Variants in MSI2 observed in about 807,000 individuals in gnomAD.
MSI2 encodes the protein RNA-binding protein Musashi homolog 2.
Under a neutral mutation model 45.6 loss-of-function variants are expected in MSI2, and 17 were observed. The ratio of observed to expected loss-of-function variants is 0.37; its 90% confidence interval spans 0.26 to 0.56. The LOEUF is 0.56. Among genes scored for constraint, MSI2 ranks in the 20% least tolerant of loss-of-function variants. The pLI is 0.77. For missense variants in MSI2, 293 were observed against 444.2 expected, an observed-to-expected ratio of 0.66 and a Z score of 3.06; for synonymous variants, 156 against 158.2, an observed-to-expected ratio of 0.99 and a Z score of 0.11.
At chr17:57,562,969 A>G (rs1045377095) in intron 7 of MSI2, among the ~76,000 whole-genome samples, 8 of 151,956 alleles carry the variant, frequency 5.3e-5, no homozygotes, top group Non-Finnish European at 1.0e-4. Flanking sequence ...GTGGTGGCGC[A>G]TGCCTGTAAT....
chr17:57,495,852 T>G (rs1233075492), intron 6 of MSI2, among the ~76,000 whole-genome samples: 2 of 152,250 alleles, frequency 1.3e-5, no homozygotes, highest in African/African-American at 4.8e-5. Flanking sequence ...TTTTGATATC[T>G]TCTGTTTTTG....
intron 6 of MSI2, among the ~76,000 whole-genome samples, chr17:57,422,890 T>G (rs1438451417): frequency 6.6e-6 from 1 of 152,212 alleles, no homozygotes; most frequent in Non-Finnish European, 1.5e-5. Context: ...TGGCTGTGGA[T>G]GCATCATTGG....
In MSI2 at chr17:57,372,587, G is replaced by A. The variant is rs577403867; in HGVS notation, c.313-28792G>A. 1.5e-3 allele frequency among the ~76,000 whole-genome samples: 221 copies of A among 152,248 alleles called. 7 individuals are homozygous for A. Among genetic ancestry groups the A allele is most frequent in the South Asian group, 1.7e-3 (8 of 4,824 alleles). ...AAAAGTTACAGATGAACAGAAATTTGAAAACAAGCTGTGCCTATTTTCTGT... is the reference window on the plus strand; with the variant it reads ...AAAAGTTACAGATGAACAGAAATTTAAAAACAAGCTGTGCCTATTTTCTGT... On this transcript the variant is annotated intron_variant, in intron 5 of 13. Coordinates refer to ENST00000284073, the MANE Select transcript of MSI2 (RefSeq NM_138962.4).
rs183996340 is a variant in MSI2, at chr17:57,336,789, C to T, written c.313-64590C>T. On this transcript the variant is annotated intron_variant, in intron 5 of 13. Transcript: ENST00000284073. The stretch of plus-strand genomic sequence containing the variant: ...AAAATGTGTGTTATTTGCCTACTGC[C>T]GCGTAACAAATTACCCCAGAATTTA... 1.4e-4 allele frequency among the ~76,000 whole-genome samples: 21 copies of T among 152,246 alleles called. No homozygotes were observed. In the East Asian group the frequency reaches 3.1e-3, roughly 22 times the overall value.
intron 5 of MSI2, among the ~76,000 whole-genome samples, chr17:57,379,633 C>T (rs2083564521): frequency 6.6e-6 from 1 of 152,180 alleles, no homozygotes; most frequent in African/African-American, 2.4e-5. Flanking sequence ...TACCTCTCAC[C>T]ACAGTCCCCT....
chr17:57,439,842 G>A (rs556357913), intron 6 of MSI2, among the ~76,000 whole-genome samples: 3 of 152,282 alleles, frequency 2.0e-5, no homozygotes, highest in South Asian at 2.1e-4. Context: ...CGGATGGCCC[G>A]AAGTCTTGGG....
chr17:57,604,609 G>A (rs1375494958), intron 8 of MSI2, among the ~76,000 whole-genome samples: 2 of 152,190 alleles, frequency 1.3e-5, no homozygotes, highest in Non-Finnish European at 2.9e-5. Flanking sequence ...CTTTAAGAAG[G>A]TTCCAGAAAA....
At chr17:57,631,500 T>C (rs1204275996) in intron 10 of MSI2, 1 of 342,924 alleles carries the variant, frequency 2.9e-6, no homozygotes, top group African/African-American at 2.1e-5. Context: ...GCTGTGCCCA[T>C]CTTCAGAATT....
At chr17:57,670,025 G>A (rs1315221282) in intron 11 of MSI2, among the ~76,000 whole-genome samples, 2 of 152,234 alleles carry the variant, frequency 1.3e-5, no homozygotes, top group South Asian at 2.1e-4. Flanking sequence ...GTCTAGGGCT[G>A]GAACTTGGTG....
chr17:57,483,534 C>T (rs1261563389), intron 6 of MSI2, among the ~76,000 whole-genome samples: 1 of 152,138 alleles, frequency 6.6e-6, no homozygotes, highest in Non-Finnish European at 1.5e-5. Flanking sequence ...CCACTGCTGC[C>T]AGGTACTGCG....
intron 7 of MSI2, among the ~76,000 whole-genome samples, chr17:57,590,797 T>C (rs1904757651): frequency 6.6e-6 from 1 of 152,122 alleles, no homozygotes; most frequent in Non-Finnish European, 1.5e-5. Context: ...GTTTCTTTGG[T>C]GAACTAGTCT....
chr17:57,549,312 C>CTTT (rs33917812), intron 7 of MSI2, among the ~76,000 whole-genome samples: 3,255 of 124,116 alleles, frequency 0.026, 162 homozygotes, highest in African/African-American at 0.082. Context: ...CCCCACTGCC[C>CTTT]TTTTTTTTTT....
At chr17:57,330,014 C>T (rs978063269) in intron 5 of MSI2, among the ~76,000 whole-genome samples, 11 of 150,656 alleles carry the variant, frequency 7.3e-5, no homozygotes, top group Non-Finnish European at 1.2e-4. Context: ...GCCTATGGTG[C>T]CTTCATGGAA....
intron 9 of MSI2, chr17:57,625,783 A>G (rs1908736907): frequency 6.6e-6 from 1 of 152,374 alleles, no homozygotes; most frequent in African/African-American, 2.4e-5. Context: ...GTGCTGGAGA[A>G]TTGACAGGAT....
At chr17:57,442,446 G>C (rs1041175545) in intron 6 of MSI2, among the ~76,000 whole-genome samples, 1 of 152,226 alleles carries the variant, frequency 6.6e-6, no homozygotes, top group Non-Finnish European at 1.5e-5. Flanking sequence ...AACTTGGAGA[G>C]GTTTTTGTGT....
the MSI2 span, among the ~76,000 whole-genome samples, chr17:57,695,769 A>G: frequency 1.3e-5 from 2 of 152,106 alleles, no homozygotes; most frequent in African/African-American, 4.8e-5. Flanking sequence ...AACAACAGAC[A>G]TTTATTTTCT....
At chr17:57,415,598 G>T (rs2084279662) in intron 6 of MSI2, among the ~76,000 whole-genome samples, 1 of 152,092 alleles carries the variant, frequency 6.6e-6, no homozygotes, top group African/African-American at 2.4e-5. Flanking sequence ...CCAGGGTCTG[G>T]CACATGGGTA....
chr17:57,647,671 G>C (rs1386286831), intron 10 of MSI2, among the ~76,000 whole-genome samples: 2 of 151,456 alleles, frequency 1.3e-5, no homozygotes, highest in Admixed American at 1.3e-4. Context: ...TCGAGACAGA[G>C]TCTCGCTCTG....
In MSI2 at chr17:57,634,381, G is replaced by A. The variant is rs59535865; in HGVS notation, c.727+7078G>A. ...CTTGGGAGGCTGAGGCAGGAGAATC[G>A]CTTGAGCCTGGGAGGCGGAGGTTGC... On this transcript the variant is annotated intron_variant, in intron 10 of 13. Coordinates refer to ENST00000284073, the MANE Select transcript of MSI2 (RefSeq NM_138962.4). Among the ~76,000 whole-genome samples, 1,116 of 152,206 alleles carry A rather than the reference G, an allele frequency of 7.3e-3. 11 individuals are homozygous for A. The highest frequency in any genetic ancestry group is 0.025 in the African/African-American group (1,051 of 41,526).
Sources: allele counts gnomAD v4.1 joint callset (sites outside exome capture counted in the v4.1 genomes callset), GRCh38; gene constraint gnomAD v4.1.1; transcripts MANE v1.5; gene names NCBI Gene and HGNC (gene_info 2026-07-23, HGNC 2026-07-21).